Variants in ZNF121 observed in about 807,000 individuals in gnomAD.
ZNF121 encodes zinc finger protein 121 (clone ZHC32).
ZNF121 carries 1 observed loss-of-function variant against 2.4 expected under a neutral mutation model. That is an observed-to-expected ratio of 0.41 (90% CI 0.15 to 1.94). ZNF121 has a LOEUF of 1.94. Ranked by LOEUF, ZNF121 falls within the 30% of genes most tolerant of loss-of-function variation. The pLI is 0.30. For synonymous variants in ZNF121, 173 were observed against 158.6 expected (o/e 1.09, Z -0.68); for missense variants, 369 against 466.3 (o/e 0.79, Z 1.92).
intron 1 of ZNF121, among the ~76,000 whole-genome samples, chr19:9,570,463 G>T (rs554978858): frequency 6.6e-6 from 1 of 152,108 alleles, no homozygotes; most frequent in Non-Finnish European, 1.5e-5. Flanking sequence ...GAGTAGTGGC[G>T]GGAGTGTCGT....
Position 9,566,202 on chromosome 19 carries a change from T to G in ZNF121, c.911A>C (p.Lys304Thr). 6.2e-7 allele frequency: 1 copy of G among 1,612,576 alleles called. No homozygotes were observed. The highest frequency in any genetic ancestry group is 8.5e-7 in the Non-Finnish European group (1 of 1,179,616). Reference sequence around the variant, plus strand: ...ATAGGGCTTCTCTCCAGTATGGATTTTTACATGATTATGTAAGCTTGAGGA... The same window carrying G: ...ATAGGGCTTCTCTCCAGTATGGATTGTTACATGATTATGTAAGCTTGAGGA... ...TVSSSLHNHV[K>T]IHTGEKPYEC... Residue 304 changes from lysine to threonine, a missense_variant, in exon 4 of 4, where the codon AAA becomes ACA. Transcript: ENST00000320451.
chr19:9,570,520 G>C (rs1404242920), intron 1 of ZNF121, among the ~76,000 whole-genome samples: 2 of 152,120 alleles, frequency 1.3e-5, no homozygotes, highest in African/African-American at 4.8e-5. Context: ...GGACAGGTAT[G>C]ACTGCAAAGA....
chr19:9,570,562 T>G (rs917927182), intron 1 of ZNF121, among the ~76,000 whole-genome samples: 2 of 152,080 alleles, frequency 1.3e-5, no homozygotes, highest in Admixed American at 6.6e-5. Flanking sequence ...CCCTGGGTTT[T>G]TTTGTTTGTT....
chr19:9,574,032 T>A (rs539184401), intron 1 of ZNF121, among the ~76,000 whole-genome samples: 1 of 106,286 alleles, frequency 9.4e-6, no homozygotes, highest in African/African-American at 6.3e-5. Flanking sequence ...TCTTTCTTTT[T>A]TTTTTTTTTT....
In ZNF121 at chr19:9,566,895, A is replaced by G. The variant is rs2074137219; in HGVS notation, c.218T>C (p.Leu73Pro). Residue 73 changes from leucine to proline, a missense_variant, in exon 4 of 4, where the codon CTG becomes CCG. Around this residue, in one of 4 missense-constraint regions of ZNF121, gnomAD observed 168 missense variants for 162.3 expected, o/e 1.03. Transcript: ENST00000320451. ...VLNQCRKAFS[L>P]PPNVHQRTWI... ...CGTTCTCTGGTGAACATTTGGTGGCAGGCTGAAGGCTTTTCTGCACTGATT... is the reference window on the plus strand; with the variant it reads ...CGTTCTCTGGTGAACATTTGGTGGCGGGCTGAAGGCTTTTCTGCACTGATT... 6.2e-7 allele frequency: 1 copy of G among 1,614,110 alleles called. No individual in the cohort carries two copies. Among genetic ancestry groups the G allele is most frequent in the Admixed American group, 1.7e-5 (1 of 60,002 alleles).
Position 9,563,754 on chromosome 19 carries a change from C to T in ZNF121, c.*2186G>A, listed in dbSNP as rs2074113937. On this transcript the variant is annotated 3_prime_UTR_variant, in exon 4 of 4. Transcript: ENST00000320451. ...CTGGCTTTCTTGTTAGAGGTCAATG[C>T]AGTTGGTGACTTTAAATGAATGCTA... The T allele has an allele frequency of 6.6e-6, 1 of 152,184 alleles. No homozygotes were observed. The highest frequency in any genetic ancestry group is 1.5e-5 in the Non-Finnish European group (1 of 68,026). The allele number at this position is 152,184 out of a possible 1,614,324, so 9.4% of individuals were successfully genotyped here.
intron 1 of ZNF121, among the ~76,000 whole-genome samples, chr19:9,573,715 A>G (rs539797244): frequency 1.3e-5 from 2 of 152,354 alleles, no homozygotes; most frequent in African/African-American, 4.8e-5. Flanking sequence ...TCAGACTCTC[A>G]AAGGTCAAGG....
chr19:9,570,324 A>G (rs921450246), intron 1 of ZNF121, among the ~76,000 whole-genome samples: 7 of 152,108 alleles, frequency 4.6e-5, no homozygotes, highest in African/African-American at 1.7e-4. Flanking sequence ...TCCCTGGCAT[A>G]ATGTGAAGGA....
intron 1 of ZNF121, among the ~76,000 whole-genome samples, chr19:9,581,741 A>T (rs1281968338): frequency 6.6e-6 from 1 of 152,210 alleles, no homozygotes; most frequent in East Asian, 1.9e-4. Context: ...TCTTGAATGG[A>T]TCTTAAACCC....
chr19:9,565,400 T>A lies in ZNF121; in HGVS notation c.*540A>T, dbSNP rs1458555619. ...AAAAAAAAAAAAAGGCCAGGAGCAGTGGCTCACTCCTATAATCCCAGCACT... is the reference window on the plus strand; with the variant it reads ...AAAAAAAAAAAAAGGCCAGGAGCAGAGGCTCACTCCTATAATCCCAGCACT... On this transcript the variant is annotated 3_prime_UTR_variant, in exon 4 of 4. Coordinates refer to ENST00000320451, the MANE Select transcript of ZNF121 (RefSeq NM_001008727.5). 1 of 120,268 alleles carries A rather than the reference T, an allele frequency of 8.3e-6. No individual in the cohort carries two copies. Among genetic ancestry groups the A allele is most frequent in the African/African-American group, 3.0e-5 (1 of 32,790 alleles). 7.5% of individuals were successfully genotyped at this position (120,268 alleles called of 1,614,324 possible). A position where few individuals can be genotyped will look rare whatever the true frequency, so the allele number is the denominator to read the frequency against.
intron 1 of ZNF121, among the ~76,000 whole-genome samples, chr19:9,574,848 T>C (rs948258226): frequency 1.3e-5 from 2 of 152,202 alleles, no homozygotes; most frequent in East Asian, 3.8e-4. Flanking sequence ...TTATTACAGC[T>C]AGCAGATATT....
At chr19:9,574,884 A>G (rs893506026) in intron 1 of ZNF121, among the ~76,000 whole-genome samples, 1 of 152,174 alleles carries the variant, frequency 6.6e-6, no homozygotes, top group African/African-American at 2.4e-5. Flanking sequence ...AGGTCTTTGA[A>G]TAAGTTTTGC....
rs765898676 is a variant in ZNF121, at chr19:9,566,364, TGA to T, written c.747_748del (p.Thr251ArgfsTer6). 2 of 1,613,882 alleles carry T rather than the reference TGA, an allele frequency of 1.2e-6. No individual in the cohort carries two copies. The highest frequency in any genetic ancestry group is 8.5e-7 in the Non-Finnish European group (1 of 1,179,962). ...ACATTCAAAGGGCTTCTCCTCTGTG[TGA>T]GTTTTAAAATGTTCAGTTAGTAGAT... On this transcript the variant is annotated frameshift_variant, in exon 4 of 4. Transcript: ENST00000320451. LOFTEE classifies it low-confidence loss of function (END_TRUNC).
Position 9,565,862 on chromosome 19 carries a change from G to T in ZNF121, c.*78C>A. The T allele has an allele frequency of 8.6e-7, 1 of 1,168,566 alleles. No individual in the cohort carries two copies. The highest frequency in any genetic ancestry group is 1.2e-6 in the Non-Finnish European group (1 of 846,394). The allele number at this position is 1,168,566 out of a possible 1,614,324, so 72.4% of individuals were successfully genotyped here. On this transcript the variant is annotated 3_prime_UTR_variant, in exon 4 of 4. Transcript: ENST00000320451. ...TTTGTACCAATAAAATTTCTCTTCA[G>T]TGTGAATTCAAATGTGGTAATTATG...
chr19:9,584,156 C>G (rs894275630), intron 1 of ZNF121: 1 of 152,188 alleles, frequency 6.6e-6, no homozygotes, highest in Non-Finnish European at 1.5e-5. Flanking sequence ...CGGCAGAAAT[C>G]CTTTTACTTT....
rs369530686 is a variant in ZNF121 at position 9,573,321 on chromosome 19, T to TAAC, written c.-159-4242_-159-4240dup. Among the ~76,000 whole-genome samples, 545 of 152,120 alleles carry TAAC rather than the reference T, an allele frequency of 3.6e-3. 4 individuals are homozygous for TAAC. The highest frequency in any genetic ancestry group is 0.012 in the African/African-American group (509 of 41,506). Reference sequence around the variant, plus strand: ...TATCAGAAAAAACTTTAGAATATATTAACAACAACAAAAAAGAGAAATCTT... The same window carrying TAAC: ...TATCAGAAAAAACTTTAGAATATATTAACAACAACAACAAAAAAGAGAAATCTT... On this transcript the variant is annotated intron_variant, in intron 1 of 3. Coordinates refer to ENST00000320451, the MANE Select transcript of ZNF121 (RefSeq NM_001008727.5).
At position 9,565,958 on chromosome 19, in the gene ZNF121, T is replaced by G; in HGVS notation, c.1155A>C (p.Lys385Asn). 6.4e-7 allele frequency: 1 copy of G among 1,567,550 alleles called. No individual in the cohort carries two copies. The highest frequency in any genetic ancestry group is 8.6e-7 in the Non-Finnish European group (1 of 1,157,954). The change falls in exon 4 of 4, where the codon AAA becomes AAC. Residue 385 changes from lysine to asparagine, a missense_variant. By Grantham distance (94) the Lys-to-Asn change is moderately conservative. This residue lies in a region of ZNF121 where 127 missense variants were observed against 169.9 expected (regional missense o/e 0.75). Coordinates refer to ENST00000320451, the MANE Select transcript of ZNF121 (RefSeq NM_001008727.5). The stretch of plus-strand genomic sequence containing the variant: ...TTTTTCTTCAGTGTGTTTTTAAATG[T>G]TTAGTAAGTAAATAAAATCTATTGT... ...KAYNRFYLLT[K>N]HLKTH
Position 9,566,270 on chromosome 19 carries a change from T to C in ZNF121, c.843A>G (p.Ile281Met). Reference sequence around the variant, plus strand: ...CACACTCCTTACATTTATAGGGTTTTATTCCAGTGTGAATTCTAAAGTGAT... The same window carrying C: ...CACACTCCTTACATTTATAGGGTTTCATTCCAGTGTGAATTCTAAAGTGAT... ...LKNHFRIHTG[I>M]KPYKCKECGK... Residue 281 changes from isoleucine to methionine, a missense_variant, in exon 4 of 4, where the codon ATA (isoleucine) becomes ATG (methionine). Physicochemically the swap from Ile to Met is conservative, Grantham distance 10. Coordinates refer to ENST00000320451, the MANE Select transcript of ZNF121 (RefSeq NM_001008727.5). The C allele has an allele frequency of 6.2e-7, 1 of 1,614,110 alleles. No homozygotes were observed. Among genetic ancestry groups the C allele is most frequent in the Non-Finnish European group, 8.5e-7 (1 of 1,180,006 alleles).
intron 1 of ZNF121, among the ~76,000 whole-genome samples, chr19:9,583,597 G>C (rs1037986125): frequency 7.0e-6 from 1 of 143,438 alleles, no homozygotes; most frequent in Admixed American, 7.3e-5. Flanking sequence ...TCCGCCTCCC[G>C]GGTTCACGCC....
Sources: allele counts gnomAD v4.1 joint callset (sites outside exome capture counted in the v4.1 genomes callset), GRCh38; gene constraint gnomAD v4.1.1; regional missense constraint gnomAD v4.1.1; transcripts MANE v1.5; gene names NCBI Gene and HGNC (gene_info 2026-07-23, HGNC 2026-07-21).